The following MBD5 variants were observed in gnomAD, a reference collection of about 807,000 sequenced individuals.
MBD5 encodes the protein methyl-CpG-binding domain protein 5.
Under a neutral mutation model 117.3 loss-of-function variants are expected in MBD5, and 13 were observed. The observed-to-expected ratio is 0.11, with a 90% CI of 0.07 to 0.18. The LOEUF (loss-of-function observed/expected upper bound fraction) is 0.18. Among genes scored for constraint, MBD5 ranks in the 10% least tolerant of loss-of-function variants. The probability of loss-of-function intolerance (pLI) is 1.00; values close to 1 mark genes in which losing one functional copy is unlikely to be tolerated. For missense variants in MBD5, 1,879 were observed against 2,093.8 expected (o/e 0.90, Z 2.00); for synonymous variants, 727 against 766.4 (o/e 0.95, Z 0.85).
At chr2:148,424,167 G>A (rs1314826930) in intron 4 of MBD5, among the ~76,000 whole-genome samples, 15 of 69,938 alleles carry the variant, frequency 2.1e-4, no homozygotes, top group Non-Finnish European at 3.5e-4. Flanking sequence ...AACAGAGCAA[G>A]ACTCTGTCTC....
chr2:148,401,203 A>G (rs1333118310), intron 4 of MBD5, among the ~76,000 whole-genome samples: 1 of 152,182 alleles, frequency 6.6e-6, no homozygotes, highest in East Asian at 1.9e-4. Context: ...CTTGTTCTTG[A>G]TGAAGCCAAG....
chr2:148,054,451 T>G (rs1170865854), intron 1 of MBD5: 1 of 152,206 alleles, frequency 6.6e-6, no homozygotes, highest in Admixed American at 6.5e-5. Context: ...TTTATCACAG[T>G]AAGTTCTTTG....
intron 12 of MBD5, among the ~76,000 whole-genome samples, chr2:148,505,260 TTC>T (rs2105244439): frequency 6.6e-6 from 1 of 152,286 alleles, no homozygotes; most frequent in Non-Finnish European, 1.5e-5. Context: ...GGGGAAGCTG[TTC>T]AGTACAGTTT....
intron 3 of MBD5, among the ~76,000 whole-genome samples, chr2:148,324,640 G>C (rs1702391586): frequency 6.6e-6 from 1 of 151,824 alleles, no homozygotes. Context: ...CTGTTTGTCT[G>C]TTGTTGGTGT....
chr2:148,224,627 C>T (rs1699773749), intron 2 of MBD5, among the ~76,000 whole-genome samples: 1 of 146,184 alleles, frequency 6.8e-6, no homozygotes, highest in African/African-American at 2.5e-5. Flanking sequence ...TCCCAAAGTG[C>T]TAGGATTACA....
chr2:148,365,291 T>G (rs1349446852), intron 4 of MBD5, among the ~76,000 whole-genome samples: 5 of 152,162 alleles, frequency 3.3e-5, no homozygotes, highest in African/African-American at 1.2e-4. Flanking sequence ...TTGAAACCAA[T>G]GAGAACAAAG....
At chr2:148,176,892 AT>A (rs2105830913) in intron 1 of MBD5, among the ~76,000 whole-genome samples, 2 of 148,574 alleles carry the variant, frequency 1.3e-5, no homozygotes, top group South Asian at 4.3e-4. Context: ...AAAAAAAAAA[AT>A]TAATTCTGAG....
Position 148,483,343 on chromosome 2 carries a change from C to T in MBD5, c.2752C>T (p.Leu918Phe). ...TCTTCCACACCCCTTGAACCCCAGCCTCCTCAGTTCTCTACCTATCTCTTT... is the reference window on the plus strand; with the variant it reads ...TCTTCCACACCCCTTGAACCCCAGCTTCCTCAGTTCTCTACCTATCTCTTT... The part of the protein sequence containing the change: ...NHLPHPLNPS[L>F]LSSLPISLPV... The change falls in exon 9 of 14, where the codon CTC becomes TTC. Residue 918 changes from leucine to phenylalanine, a missense_variant. Physicochemically the swap from Leu to Phe is conservative, Grantham distance 22 (BLOSUM62 0). Transcript: ENST00000642680. 1.2e-6 allele frequency: 2 copies of T among 1,614,106 alleles called. No individual in the cohort carries two copies. Among genetic ancestry groups the T allele is most frequent in the South Asian group, 2.2e-5 (2 of 91,084 alleles).
Position 148,489,954 on chromosome 2 carries a change from A to C in MBD5, c.4322A>C (p.Asn1441Thr). The C allele has an allele frequency of 6.2e-7, 1 of 1,614,072 alleles. No homozygotes were observed. The change falls in exon 11 of 14, where the codon AAC (asparagine) becomes ACC (threonine). Residue 1441 changes from asparagine (N) to threonine (T), a missense_variant. Physicochemically the swap from Asn to Thr is moderately conservative, Grantham distance 65. This residue lies in a region of MBD5 where 1,666 missense variants were observed against 1,792.2 expected (regional missense o/e 0.93). Transcript: ENST00000642680. ...DGEQSPRGER[N>T]RWKYEEFLDH... ...GAGCAAAGCCCCAGAGGGGAGCGAA[A>C]CAGGTGGAAGTACGAGGAATTTTTA...
At chr2:148,167,462 T>C (rs1173804341) in intron 1 of MBD5, among the ~76,000 whole-genome samples, 1 of 152,208 alleles carries the variant, frequency 6.6e-6, no homozygotes, top group Non-Finnish European at 1.5e-5. Context: ...GAGTCACTGT[T>C]AGACCTATTC....
At chr2:148,053,342 G>GT (rs1457635399) in intron 1 of MBD5, among the ~76,000 whole-genome samples, 1 of 152,012 alleles carries the variant, frequency 6.6e-6, no homozygotes, top group Non-Finnish European at 1.5e-5. Flanking sequence ...TACATTTAAA[G>GT]TTTTTTATTG....
chr2:148,469,876 A>G lies in MBD5; in HGVS notation c.1933A>G (p.Arg645Gly). ...GEGQSGRAAL[R>G]DKLMSQQKDA... Reference sequence around the variant, plus strand: ...AGGGCAAAGTGGTCGAGCAGCACTAAGAGATAAGCTGATGTCTCAGCAAAA... The same window carrying G: ...AGGGCAAAGTGGTCGAGCAGCACTAGGAGATAAGCTGATGTCTCAGCAAAA... The change falls in exon 8 of 14, where the codon AGA becomes GGA. Residue 645 changes from arginine (R) to glycine (G), a missense_variant. Arg to Gly is a moderately radical substitution (Grantham distance 125). Coordinates refer to ENST00000642680, the MANE Select transcript of MBD5 (RefSeq NM_001378120.1). 6.2e-7 allele frequency: 1 copy of G among 1,613,988 alleles called. No homozygotes were observed.
intron 3 of MBD5, among the ~76,000 whole-genome samples, chr2:148,291,457 A>G (rs1018068850): frequency 6.6e-6 from 1 of 152,156 alleles, no homozygotes; most frequent in African/African-American, 2.4e-5. Context: ...TTTTAATAGA[A>G]TTTTCGATGG....
intron 4 of MBD5, among the ~76,000 whole-genome samples, chr2:148,391,278 T>G (rs1475305421): frequency 9.1e-6 from 1 of 109,994 alleles, no homozygotes; most frequent in Non-Finnish European, 1.9e-5. Context: ...AGAACAGTAT[T>G]TACTGGGAAA....
chr2:148,479,679 G>C (rs139601978), intron 8 of MBD5, among the ~76,000 whole-genome samples: 50 of 151,000 alleles, frequency 3.3e-4, no homozygotes, highest in African/African-American at 1.2e-3. Flanking sequence ...GGAAGCACAG[G>C]ACTCTTCATT....
intron 2 of MBD5, among the ~76,000 whole-genome samples, chr2:148,227,478 T>A (rs1166960584): frequency 3.3e-5 from 5 of 152,222 alleles, no homozygotes; most frequent in Non-Finnish European, 7.3e-5. Context: ...TCTATATCTC[T>A]GTTTTGGTAC....
At chr2:148,131,197 A>C (rs1165270331) in intron 1 of MBD5, among the ~76,000 whole-genome samples, 1 of 152,206 alleles carries the variant, frequency 6.6e-6, no homozygotes, top group African/African-American at 2.4e-5. Flanking sequence ...CTGTCTTCAC[A>C]AACATTAGAC....
chr2:148,277,564 A>G (rs1393819502), intron 3 of MBD5, among the ~76,000 whole-genome samples: 1 of 152,106 alleles, frequency 6.6e-6, no homozygotes, highest in Non-Finnish European at 1.5e-5. Flanking sequence ...CTTTGCCTCA[A>G]GCAATGTAGT....
Position 148,329,661 on chromosome 2 carries a change from T to G in MBD5, c.-679-12553T>G, listed in dbSNP as rs563371564. On this transcript the variant is annotated intron_variant, in intron 3 of 13. Transcript: ENST00000642680. ...TGAGGGATACTAGCTTAACCTTTTA[T>G]GTTTGATGTATAAGAAAGGCAAATG... is the stretch of plus-strand genomic sequence containing the variant. Among the ~76,000 whole-genome samples, 8 of 152,280 alleles carry G rather than the reference T, an allele frequency of 5.3e-5. No homozygotes were observed. The South Asian group carries it at 1.0e-3, about 20-fold the overall frequency.
Sources: allele counts gnomAD v4.1 joint callset (sites outside exome capture counted in the v4.1 genomes callset), GRCh38; gene constraint gnomAD v4.1.1; regional missense constraint gnomAD v4.1.1; transcripts MANE v1.5; gene names NCBI Gene and HGNC (gene_info 2026-07-23, HGNC 2026-07-21).